Variants in ZNF521 observed in about 807,000 individuals in gnomAD.
The protein encoded by ZNF521 is zinc finger protein 521, also known as LYST-interacting protein 3.
In ZNF521, 14 loss-of-function variants were observed where a neutral mutation model predicts 105.5. The ratio of observed to expected loss-of-function variants is 0.13; its 90% CI spans 0.09 to 0.21. ZNF521 has a LOEUF of 0.21. Ranked by LOEUF, ZNF521 falls within the 10% of genes least tolerant of loss-of-function variation. ZNF521 has a pLI of 1.00. For synonymous variants in ZNF521, 635 were observed against 606.0 expected, an observed-to-expected ratio of 1.05 and a Z score of -0.70; for missense variants, 1,233 against 1,629.7, an observed-to-expected ratio of 0.76 and a Z score of 4.19.
intron 1 of ZNF521, chr18:25,351,275 A>G (rs1914753165): frequency 1.3e-5 from 2 of 149,136 alleles, no homozygotes; most frequent in African/African-American, 5.0e-5. Context: ...AAAAAAGCTA[A>G]AAAAAAAACC....
At chr18:25,151,949 T>C (rs368676855) in intron 5 of ZNF521, among the ~76,000 whole-genome samples, 2 of 152,174 alleles carry the variant, frequency 1.3e-5, no homozygotes, top group African/African-American at 4.8e-5. Context: ...TTGGCAGATC[T>C]CTTGATGCTG....
At chr18:25,130,924 A>C (rs1454177600) in intron 5 of ZNF521, among the ~76,000 whole-genome samples, 1 of 151,624 alleles carries the variant, frequency 6.6e-6, no homozygotes. Flanking sequence ...GCCTGGGTGA[A>C]AGAATGAGAT....
chr18:25,141,802 T>C (rs1194661211), intron 5 of ZNF521, among the ~76,000 whole-genome samples: 2 of 152,134 alleles, frequency 1.3e-5, no homozygotes, highest in Non-Finnish European at 2.9e-5. Flanking sequence ...CTAATGAGTA[T>C]AAACAAAATA....
At chr18:25,305,198 C>G (rs1404145416) in intron 3 of ZNF521, among the ~76,000 whole-genome samples, 1 of 152,188 alleles carries the variant, frequency 6.6e-6, no homozygotes, top group Non-Finnish European at 1.5e-5. Context: ...TCTATTATAG[C>G]TAGACCAATT....
intron 5 of ZNF521, among the ~76,000 whole-genome samples, chr18:25,110,020 T>C (rs2034153135): frequency 6.6e-6 from 1 of 152,238 alleles, no homozygotes; most frequent in Admixed American, 6.5e-5. Context: ...TTCTATATTC[T>C]TCCTCTTCTC....
intron 2 of ZNF521, among the ~76,000 whole-genome samples, chr18:25,329,577 A>G (rs573038057): frequency 3.9e-5 from 6 of 152,196 alleles, no homozygotes; most frequent in Non-Finnish European, 8.8e-5. Flanking sequence ...AAGAAATGCA[A>G]GTACCTGTGT....
intron 5 of ZNF521, among the ~76,000 whole-genome samples, chr18:25,137,911 CAA>C (rs2034767657): frequency 6.6e-6 from 1 of 151,898 alleles, no homozygotes. Context: ...TTACTAAAAG[CAA>C]AAAAAGTCTT....
intron 3 of ZNF521, among the ~76,000 whole-genome samples, chr18:25,274,304 C>G (rs1250494013): frequency 6.6e-6 from 1 of 152,194 alleles, no homozygotes; most frequent in African/African-American, 2.4e-5. Context: ...TTAAGGGAAA[C>G]TGGGGATACT....
intron 5 of ZNF521, among the ~76,000 whole-genome samples, chr18:25,092,325 T>C (rs2033763729): frequency 6.6e-6 from 1 of 152,218 alleles, no homozygotes; most frequent in African/African-American, 2.4e-5. Context: ...TGCATTTTAT[T>C]ACACTTTTAA....
intron 3 of ZNF521, among the ~76,000 whole-genome samples, chr18:25,239,928 C>T (rs1240303748): frequency 6.6e-6 from 1 of 151,944 alleles, no homozygotes; most frequent in African/African-American, 2.4e-5. Flanking sequence ...CATATTTTCT[C>T]TCTCCCTCTC....
At position 25,344,842 on chromosome 18, in the gene ZNF521, T is replaced by C. The variant is rs530904909; in HGVS notation, c.40+6065A>G. On this transcript the variant is annotated intron_variant, in intron 2 of 7. Coordinates refer to ENST00000361524, the MANE Select transcript of ZNF521 (RefSeq NM_015461.3). ...ACATAGTATCCATTAAATCCAGCCA[T>C]GAGGAATGTATTCTGTGGCAACAGA... 1.2e-4 allele frequency among the ~76,000 whole-genome samples: 18 copies of C among 152,286 alleles called. 1 individual carries two copies. The highest frequency in any genetic ancestry group is 2.5e-4 in the Non-Finnish European group (17 of 68,012).
At chr18:25,318,005 G>T (rs1460009056) in intron 3 of ZNF521, among the ~76,000 whole-genome samples, 3 of 151,852 alleles carry the variant, frequency 2.0e-5, no homozygotes, top group East Asian at 3.9e-4. Flanking sequence ...TCCACAAAAA[G>T]ATCCATATAG....
At chr18:25,194,127 C>A (rs1446651169) in intron 5 of ZNF521, among the ~76,000 whole-genome samples, 1 of 151,650 alleles carries the variant, frequency 6.6e-6, no homozygotes, top group Admixed American at 6.6e-5. Context: ...CAAACTTATT[C>A]CCCCCTGAAA....
intron 5 of ZNF521, among the ~76,000 whole-genome samples, chr18:25,155,719 AG>A (rs2035130670): frequency 2.6e-5 from 4 of 152,262 alleles, no homozygotes; most frequent in Non-Finnish European, 5.9e-5. Flanking sequence ...GTCCAAAATT[AG>A]TTGTCCATAT....
chr18:25,343,831 T>A (rs1050072407), intron 2 of ZNF521, among the ~76,000 whole-genome samples: 23 of 152,332 alleles, frequency 1.5e-4, no homozygotes, highest in Non-Finnish European at 2.6e-4. Flanking sequence ...AATCTTTTTT[T>A]AAAAAGTGTT....
chr18:25,142,381 G>T (rs1276468675), intron 5 of ZNF521, among the ~76,000 whole-genome samples: 2 of 152,104 alleles, frequency 1.3e-5, no homozygotes, highest in African/African-American at 4.8e-5. Context: ...CATAAGCATT[G>T]TCTAGATTCA....
intron 5 of ZNF521, among the ~76,000 whole-genome samples, chr18:25,107,601 C>G (rs980781961): frequency 6.6e-6 from 1 of 152,142 alleles, no homozygotes. Context: ...TGGAAGGCAG[C>G]TATGTGTACC....
At chr18:25,258,855 T>C (rs978454688) in intron 3 of ZNF521, among the ~76,000 whole-genome samples, 3 of 152,166 alleles carry the variant, frequency 2.0e-5, no homozygotes, top group Non-Finnish European at 4.4e-5. Flanking sequence ...GTGAAAATGT[T>C]CTCCAAACAC....
chr18:25,244,310 ACACT>A (rs754620685), intron 3 of ZNF521, among the ~76,000 whole-genome samples: 3 of 143,714 alleles, frequency 2.1e-5, no homozygotes, highest in Admixed American at 6.9e-5. Flanking sequence ...ACACACACAC[ACACT>A]CTCACCCTTT....
Sources: gnomAD v4.1 joint callset for allele counts (sites outside exome capture counted in the v4.1 genomes callset) on GRCh38, gnomAD v4.1.1 for gene constraint, MANE v1.5 for transcripts, NCBI Gene and HGNC (gene_info 2026-07-23, HGNC 2026-07-21) for gene names.